LIN28B: variants seen among roughly 807,000 people sequenced by gnomAD.
LIN28B encodes lin-28 RNA binding posttranscriptional regulator B.
Under a neutral mutation model 21.9 loss-of-function variants are expected in LIN28B, and 5 were observed. That is an observed-to-expected ratio of 0.23 (90% CI 0.12 to 0.48). The LOEUF (loss-of-function observed/expected upper bound fraction) is 0.48, where lower values mean the gene tolerates loss of function less well. Among genes scored for constraint, LIN28B ranks in the 20% least tolerant of loss-of-function variants. The pLI is 0.98. For synonymous variants in LIN28B, 109 were observed against 111.3 expected (o/e 0.98, Z 0.13); for missense variants, 245 against 310.5 (o/e 0.79, Z 1.58).
intron 3 of LIN28B, among the ~76,000 whole-genome samples, chr6:105,049,488 G>A (rs1037307171): frequency 3.9e-5 from 6 of 152,196 alleles, no homozygotes; most frequent in South Asian, 2.1e-4. Flanking sequence ...GTTGATTTGG[G>A]GTGGAGAGTT....
intron 2 of LIN28B, among the ~76,000 whole-genome samples, chr6:105,003,862 A>G (rs1044551488): frequency 4.6e-5 from 7 of 152,202 alleles, no homozygotes; most frequent in African/African-American, 7.2e-5. Context: ...TAAAAAATCA[A>G]TTGTTCTACA....
chr6:105,030,734 C>T (rs1241255408), intron 3 of LIN28B, among the ~76,000 whole-genome samples: 1 of 151,490 alleles, frequency 6.6e-6, no homozygotes, highest in African/African-American at 2.4e-5. Flanking sequence ...GTAGCCGGGA[C>T]TACAGGTGTG....
intron 2 of LIN28B, among the ~76,000 whole-genome samples, chr6:104,990,552 CTTGT>C (rs1359257407): frequency 7.1e-6 from 1 of 140,730 alleles, no homozygotes; most frequent in African/African-American, 2.6e-5. Context: ...AAATTTTAGT[CTTGT>C]TTTTTATTTT....
intron 2 of LIN28B, among the ~76,000 whole-genome samples, chr6:104,983,924 C>G (rs1023943539): frequency 6.6e-5 from 10 of 152,140 alleles, no homozygotes; most frequent in African/African-American, 2.4e-4. Flanking sequence ...CAGACCAAAT[C>G]CTTGTGTACA....
intron 2 of LIN28B, among the ~76,000 whole-genome samples, chr6:104,968,032 G>C (rs1450242050): frequency 6.6e-6 from 1 of 152,156 alleles, no homozygotes; most frequent in Non-Finnish European, 1.5e-5. Flanking sequence ...AAATCAACAA[G>C]ATGGCTTAAT....
At chr6:105,043,839 G>T (rs1161038898) in intron 3 of LIN28B, among the ~76,000 whole-genome samples, 1 of 152,002 alleles carries the variant, frequency 6.6e-6, no homozygotes, top group Non-Finnish European at 1.5e-5. Context: ...GGGCTCAAGC[G>T]ATCTGCCTCC....
intron 3 of LIN28B, among the ~76,000 whole-genome samples, chr6:105,066,015 T>TA (rs1772212526): frequency 6.6e-6 from 1 of 151,918 alleles, no homozygotes; most frequent in Admixed American, 6.6e-5. Flanking sequence ...CCACTAAAAA[T>TA]ACAAAAATTA....
chr6:104,997,565 C>A (rs1200103701), intron 2 of LIN28B, among the ~76,000 whole-genome samples: 1 of 148,920 alleles, frequency 6.7e-6, no homozygotes, highest in Non-Finnish European at 1.5e-5. Flanking sequence ...CACACACACA[C>A]GTTATTTCTA....
chr6:105,011,259 G>A (rs966415132), intron 2 of LIN28B, among the ~76,000 whole-genome samples: 7 of 152,122 alleles, frequency 4.6e-5, no homozygotes, highest in African/African-American at 1.4e-4. Flanking sequence ...GCATGATCAT[G>A]GCTCACTGCA....
At chr6:105,019,870 G>T (rs1771100539) in intron 2 of LIN28B, among the ~76,000 whole-genome samples, 1 of 152,074 alleles carries the variant, frequency 6.6e-6, no homozygotes, top group South Asian at 2.1e-4. Context: ...CACTTGGTCT[G>T]TTCAGCCTGC....
chr6:104,957,211 T>G lies in LIN28B; in HGVS notation c.-40T>G. The G allele has an allele frequency of 6.2e-7, 1 of 1,614,012 alleles. No homozygotes were observed. Among genetic ancestry groups the G allele is most frequent in the Non-Finnish European group, 8.5e-7 (1 of 1,179,896 alleles). On this transcript the variant is annotated 5_prime_UTR_variant, in exon 1 of 4. Coordinates refer to ENST00000345080, the MANE Select transcript of LIN28B (RefSeq NM_001004317.4). ...ATCACTCCGTTCCAAAGGGAAAGTT[T>G]TCATCTCACGAGTTTGGAGCTGAGG... is the stretch of plus-strand genomic sequence containing the variant.
intron 2 of LIN28B, among the ~76,000 whole-genome samples, chr6:104,969,875 T>C (rs558328173): frequency 3.2e-4 from 48 of 152,340 alleles, no homozygotes; most frequent in African/African-American, 1.0e-3. Flanking sequence ...GTTCCAATAA[T>C]GGTGCAAAGA....
intron 2 of LIN28B, among the ~76,000 whole-genome samples, chr6:105,022,475 A>G (rs999071079): frequency 2.0e-5 from 3 of 152,182 alleles, no homozygotes; most frequent in African/African-American, 4.8e-5. Context: ...AAGATTATGT[A>G]TGATCTAATG....
chr6:104,962,699 A>G (rs1280596726), intron 2 of LIN28B, among the ~76,000 whole-genome samples: 1 of 152,156 alleles, frequency 6.6e-6, no homozygotes. Context: ...TTATTTCAGT[A>G]TATTCATTTT....
chr6:105,026,366 A>G lies in LIN28B; in HGVS notation c.267A>G (p.Lys89=). 1.9e-6 allele frequency: 3 copies of G among 1,612,210 alleles called. No homozygotes were observed. Among genetic ancestry groups the G allele is most frequent in the Non-Finnish European group, 2.5e-6 (3 of 1,178,894 alleles). The change falls in exon 3 of 4, where the codon AAA becomes AAG. Residue 89 remains lysine, a synonymous_variant. Transcript: ENST00000345080. ...AACCAGTGGAATTCACATTTAAAAAATCTTCCAAAGGCCTTGAGTCAATAC... is the reference window on the plus strand; with the variant it reads ...AACCAGTGGAATTCACATTTAAAAAGTCTTCCAAAGGCCTTGAGTCAATAC... The part of the protein sequence containing the change: ...EGEPVEFTFK[K]SSKGLESIRV...
intron 3 of LIN28B, among the ~76,000 whole-genome samples, chr6:105,050,834 A>T (rs923243275): frequency 1.3e-5 from 2 of 151,384 alleles, no homozygotes; most frequent in Non-Finnish European, 2.9e-5. Flanking sequence ...AATCTCTGAG[A>T]AATGTTGATT....
chr6:105,042,542 G>A (rs752927064), intron 3 of LIN28B, among the ~76,000 whole-genome samples: 4 of 151,804 alleles, frequency 2.6e-5, no homozygotes, highest in African/African-American at 4.8e-5. Context: ...TTCATCTGTC[G>A]TCTTGCTTTC....
intron 2 of LIN28B, among the ~76,000 whole-genome samples, chr6:104,938,123 T>G (rs1257305850): frequency 6.7e-6 from 1 of 149,754 alleles, no homozygotes; most frequent in African/African-American, 2.5e-5. Context: ...TAGGCGCTTG[T>G]AGTCCCAGCC....
intron 2 of LIN28B, among the ~76,000 whole-genome samples, chr6:104,959,343 T>TA (rs1261340590): frequency 2.0e-5 from 3 of 152,222 alleles, no homozygotes; most frequent in Non-Finnish European, 4.4e-5. Context: ...GACTGACAGA[T>TA]ACATGGGTGA....
Sources: allele counts gnomAD v4.1 joint callset (sites outside exome capture counted in the v4.1 genomes callset), GRCh38; gene constraint gnomAD v4.1.1; transcripts MANE v1.5; gene names NCBI Gene and HGNC (gene_info 2026-07-23, HGNC 2026-07-21).